PDZD8: variants seen among roughly 807,000 people sequenced by gnomAD.
The protein encoded by PDZD8 is PDZ domain-containing protein 8.
PDZD8 carries 14 observed loss-of-function variants against 85.8 expected under a neutral mutation model. The observed-to-expected ratio is 0.16, with a 90% CI of 0.11 to 0.26. The LOEUF (loss-of-function observed/expected upper bound fraction) is 0.26, where lower values mean the gene tolerates loss of function less well. PDZD8 is among the 10% of genes least tolerant of loss of function. The probability of loss-of-function intolerance (pLI) is 1.00; values close to 1 mark genes in which losing one functional copy is unlikely to be tolerated. For missense variants in PDZD8, 1,197 were observed against 1,424.3 expected (o/e 0.84, Z 2.57); for synonymous variants, 592 against 568.6 (o/e 1.04, Z -0.59).
At chr10:117,348,169 T>G (rs1031588348) in intron 1 of PDZD8, among the ~76,000 whole-genome samples, 10 of 152,182 alleles carry the variant, frequency 6.6e-5, no homozygotes, top group African/African-American at 1.4e-4. Context: ...AAATAATTTT[T>G]CTTGTCACTG....
intron 1 of PDZD8, among the ~76,000 whole-genome samples, chr10:117,364,477 A>ACG (rs1485266090): frequency 7.1e-6 from 1 of 140,968 alleles, no homozygotes; most frequent in Non-Finnish European, 1.5e-5. Flanking sequence ...ACAGACACAC[A>ACG]CGCACACACA....
At chr10:117,333,122 A>ACAAAC (rs1564702971) in intron 2 of PDZD8, among the ~76,000 whole-genome samples, 20 of 146,576 alleles carry the variant, frequency 1.4e-4, no homozygotes, top group African/African-American at 5.0e-4. Flanking sequence ...TGTCTCAAAA[A>ACAAAC]AAAAAAAAAA....
chr10:117,368,322 T>G (rs997023162), intron 1 of PDZD8, among the ~76,000 whole-genome samples: 1 of 152,174 alleles, frequency 6.6e-6, no homozygotes, highest in African/African-American at 2.4e-5. Flanking sequence ...GGTTAAAAAT[T>G]AGCTATTACA....
In PDZD8 at chr10:117,324,149, A is replaced by C. The variant is rs376490738; in HGVS notation, c.996-5175T>G. ...AGGCTGAGAGAGGAGAACTGCTTGAACGCGGGAGGCTGAGGTTGCAGTGAG... is the reference window on the plus strand; with the variant it reads ...AGGCTGAGAGAGGAGAACTGCTTGACCGCGGGAGGCTGAGGTTGCAGTGAG... On this transcript the variant is annotated intron_variant, in intron 2 of 4. Coordinates refer to ENST00000334464, the MANE Select transcript of PDZD8 (RefSeq NM_173791.5). 2.0e-4 allele frequency among the ~76,000 whole-genome samples: 29 copies of C among 146,264 alleles called. 1 individual carries two copies. In the East Asian group the frequency reaches 4.2e-3, roughly 21 times the overall value.
intron 1 of PDZD8, among the ~76,000 whole-genome samples, chr10:117,359,990 C>T (rs1273689991): frequency 6.7e-6 from 1 of 149,786 alleles, no homozygotes; most frequent in Admixed American, 6.6e-5. Flanking sequence ...AATACTGTTA[C>T]AAAAAAAAAA....
chr10:117,349,140 C>G (rs1293236175), intron 1 of PDZD8, among the ~76,000 whole-genome samples: 2 of 152,198 alleles, frequency 1.3e-5, no homozygotes, highest in Non-Finnish European at 2.9e-5. Flanking sequence ...AACAGTGGAT[C>G]TAAGTCAAGA....
chr10:117,342,431 G>A (rs891963347), intron 1 of PDZD8, among the ~76,000 whole-genome samples: 1 of 50,500 alleles, frequency 2.0e-5, no homozygotes, highest in African/African-American at 5.6e-5. Context: ...CACACACATA[G>A]TCAAAAGTTC....
In PDZD8 at chr10:117,282,229, T is replaced by A. The variant is rs1844584502; in HGVS notation, c.*1039A>T. 1 of 152,170 alleles carries A rather than the reference T, an allele frequency of 6.6e-6. No homozygotes were observed. Among genetic ancestry groups the A allele is most frequent in the Non-Finnish European group, 1.5e-5 (1 of 68,018 alleles). The allele number at this position is 152,170 out of a possible 1,614,324, so 9.4% of individuals were successfully genotyped here. On this transcript the variant is annotated 3_prime_UTR_variant, in exon 5 of 5. Transcript: ENST00000334464. ...TTCACAGAATACTCCTACATGAAAA[T>A]GTTTTTTCTAAAACAAAACCAGCCC...
chr10:117,366,263 A>G (rs1845088081), intron 1 of PDZD8, among the ~76,000 whole-genome samples: 1 of 152,144 alleles, frequency 6.6e-6, no homozygotes, highest in Non-Finnish European at 1.5e-5. Flanking sequence ...TTTTCAACCT[A>G]AAGTCTAAGG....
At chr10:117,334,626 T>C (rs1309054635) in intron 2 of PDZD8, among the ~76,000 whole-genome samples, 1 of 151,872 alleles carries the variant, frequency 6.6e-6, no homozygotes, top group Non-Finnish European at 1.5e-5. Context: ...GAACATTTGT[T>C]CAAAGAATTA....
chr10:117,363,686 G>T (rs1279971562), intron 1 of PDZD8, among the ~76,000 whole-genome samples: 1 of 152,054 alleles, frequency 6.6e-6, no homozygotes, highest in African/African-American at 2.4e-5. Flanking sequence ...TTGTTTTTAA[G>T]TACATACCAA....
intron 1 of PDZD8, among the ~76,000 whole-genome samples, chr10:117,343,729 G>A (rs556200087): frequency 1.3e-5 from 2 of 152,174 alleles, no homozygotes; most frequent in African/African-American, 2.4e-5. Flanking sequence ...TGCTCAGGGG[G>A]TTTTGCTAAG....
rs1017211297 is a variant in PDZD8 at position 117,282,353 on chromosome 10, T to C, written c.*915A>G. ...CCTATGGGAGAACTGATGAGGAAAA[T>C]TATCATAAATGTTTAAACTTTTAAT... On this transcript the variant is annotated 3_prime_UTR_variant, in exon 5 of 5. Coordinates refer to ENST00000334464, the MANE Select transcript of PDZD8 (RefSeq NM_173791.5). The C allele has an allele frequency of 6.6e-6, 1 of 152,162 alleles. No homozygotes were observed. Among genetic ancestry groups the C allele is most frequent in the Non-Finnish European group, 1.5e-5 (1 of 68,030 alleles). The allele number at this position is 152,162 out of a possible 1,614,324, so 9.4% of individuals were successfully genotyped here.
chr10:117,343,313 G>C (rs2532791), intron 1 of PDZD8, among the ~76,000 whole-genome samples: 145,267 of 152,298 alleles, frequency 0.95, 69,657 homozygotes, highest in East Asian at 1. Context: ...ATGCTCAGTG[G>C]TTTTCTCCTG....
chr10:117,332,935 T>C (rs998760960), intron 2 of PDZD8, among the ~76,000 whole-genome samples: 2 of 151,076 alleles, frequency 1.3e-5, no homozygotes, highest in African/African-American at 2.4e-5. Flanking sequence ...CAGGCCAACA[T>C]GGTGAAACGC....
At position 117,277,283 on chromosome 10, in the gene PDZD8, A is replaced by G. The variant is rs1386712874; in HGVS notation, c.*5985T>C. On this transcript the variant is annotated 3_prime_UTR_variant, in exon 5 of 5. Coordinates refer to ENST00000334464, the MANE Select transcript of PDZD8 (RefSeq NM_173791.5). ...AGTGACTGAGATGAGATCCTCAAAA[A>G]TCATCAAAGTGTTTAATTGTATAAA... 1 of 1,453,474 alleles carries G rather than the reference A, an allele frequency of 6.9e-7. No homozygotes were observed. The highest frequency in any genetic ancestry group is 1.1e-5 in the South Asian group (1 of 87,112). The allele number at this position is 1,453,474 out of a possible 1,614,324, so 90.0% of individuals were successfully genotyped here.
intron 1 of PDZD8, among the ~76,000 whole-genome samples, chr10:117,346,466 G>C (rs140102322): frequency 0.012 from 1,874 of 151,758 alleles, 31 homozygotes; most frequent in Non-Finnish European, 0.017. Flanking sequence ...TGCCAGAGAT[G>C]CCTCATTATA....
rs79004036 is a variant in PDZD8 at position 117,361,675 on chromosome 10, C to G, written c.872+12681G>C. On this transcript the variant is annotated intron_variant, in intron 1 of 4. Transcript: ENST00000334464. ...CAAATATGAAGGGACAACAAAAAATCTGAATAAGACAAATAAGGAGAAGTT... is the reference window on the plus strand; with the variant it reads ...CAAATATGAAGGGACAACAAAAAATGTGAATAAGACAAATAAGGAGAAGTT... 4.6e-5 allele frequency among the ~76,000 whole-genome samples: 7 copies of G among 152,142 alleles called. No individual in the cohort carries two copies. The East Asian group carries it at 1.2e-3, about 25-fold the overall frequency.
chr10:117,286,719 T>A lies in PDZD8; in HGVS notation c.1262-1248A>T, dbSNP rs1316095190. ...TCTCATGGTCCTGTTGGTCTCCTGA[T>A]ACCACTTGCTCTTCTATCCAACCCT... On this transcript the variant is annotated intron_variant, in intron 4 of 4. Transcript: ENST00000334464. 2.0e-5 allele frequency among the ~76,000 whole-genome samples: 3 copies of A among 152,248 alleles called. 1 individual carries two copies. The highest frequency in any genetic ancestry group is 6.5e-5 in the Admixed American group (1 of 15,288).
Sources: gnomAD v4.1 joint callset for allele counts (sites outside exome capture counted in the v4.1 genomes callset) on GRCh38, gnomAD v4.1.1 for gene constraint, MANE v1.5 for transcripts, NCBI Gene and HGNC (gene_info 2026-07-23, HGNC 2026-07-21) for gene names.